KDM7A: variants seen among roughly 807,000 people sequenced by gnomAD.
KDM7A encodes the protein lysine-specific demethylase 7A.
In KDM7A, 28 loss-of-function variants were observed where a neutral mutation model predicts 114.8. The observed-to-expected ratio is 0.24, with a 90% CI of 0.18 to 0.33. KDM7A has a LOEUF of 0.33. KDM7A is among the 10% of genes least tolerant of loss of function. The pLI is 1.00. For synonymous variants in KDM7A, 423 were observed against 397.8 expected (o/e 1.06, Z -0.75); for missense variants, 942 against 1,142.5 (o/e 0.82, Z 2.53).
At chr7:140,167,602 A>G (rs1794592986) in intron 1 of KDM7A, among the ~76,000 whole-genome samples, 2 of 152,100 alleles carry the variant, frequency 1.3e-5, no homozygotes, top group Non-Finnish European at 2.9e-5. Flanking sequence ...TTCATATTAT[A>G]TACAAAAATA....
intron 2 of KDM7A, among the ~76,000 whole-genome samples, chr7:140,136,624 C>T (rs986715226): frequency 6.6e-6 from 1 of 152,112 alleles, no homozygotes; most frequent in Non-Finnish European, 1.5e-5. Flanking sequence ...TCTAAATTCA[C>T]CATATGAAGT....
intron 8 of KDM7A, 61 bp downstream of exon 8, chr7:140,120,378 TAAA>T: frequency 1.2e-6 from 1 of 833,690 alleles, no homozygotes; most frequent in Non-Finnish European, 1.9e-6. Context: ...TTTTTTAAGT[TAAA>T]AAAAAAAGTA....
chr7:140,093,990 A>T, intron 18 of KDM7A, 66 bp downstream of exon 18: 1 of 1,006,972 alleles, frequency 9.9e-7, no homozygotes, highest in Non-Finnish European at 1.6e-6. Context: ...GTTTTAAAAA[A>T]GAAAGCAAAA....
At chr7:140,106,086 T>C (rs1438528686) in intron 11 of KDM7A, among the ~76,000 whole-genome samples, 2 of 152,254 alleles carry the variant, frequency 1.3e-5, no homozygotes, top group Admixed American at 1.3e-4. Context: ...CAGAGGTGTT[T>C]ATAGTATTCT....
intron 1 of KDM7A, among the ~76,000 whole-genome samples, chr7:140,163,600 T>C (rs1261691612): frequency 6.6e-6 from 1 of 152,134 alleles, no homozygotes; most frequent in East Asian, 1.9e-4. Context: ...AGATTGTTTT[T>C]GTTTTGTTCT....
chr7:140,103,720 T>C (rs1257722445), intron 11 of KDM7A, among the ~76,000 whole-genome samples: 1 of 152,196 alleles, frequency 6.6e-6, no homozygotes, highest in African/African-American at 2.4e-5. Context: ...TTGATGGACA[T>C]TTGGGTTGGT....
intron 10 of KDM7A, 115 bp from the exon 11 acceptor site, chr7:140,111,299 T>C (rs903827504): frequency 2.6e-5 from 16 of 610,872 alleles, no homozygotes; most frequent in African/African-American, 1.3e-4. Context: ...CATCGCCAAA[T>C]ACTAGTAAGC....
chr7:140,133,454 A>C (rs1818821640), intron 3 of KDM7A, 85 bp downstream of exon 3: 1 of 767,790 alleles, frequency 1.3e-6, no homozygotes. Flanking sequence ...CCTAAGTTTG[A>C]AAACATTGCC....
chr7:140,144,730 C>T (rs1476354160), intron 1 of KDM7A, among the ~76,000 whole-genome samples: 1 of 151,934 alleles, frequency 6.6e-6, no homozygotes, highest in Non-Finnish European at 1.5e-5. Context: ...CACACACACA[C>T]ACACACACCC....
chr7:140,106,482 C>T (rs973348697), intron 11 of KDM7A, among the ~76,000 whole-genome samples: 29 of 152,070 alleles, frequency 1.9e-4, no homozygotes, highest in African/African-American at 6.5e-4. Flanking sequence ...TTCTGGTATG[C>T]TGTGTCTTTG....
chr7:140,166,335 CTTT>C (rs746518929), intron 1 of KDM7A, among the ~76,000 whole-genome samples: 7,671 of 127,892 alleles, frequency 0.06, 153 homozygotes, highest in Non-Finnish European at 0.083. Context: ...CTTTTTTTTC[CTTT>C]TTTTTTTTTT....
chr7:140,115,232 C>T (rs1339300495), intron 9 of KDM7A, among the ~76,000 whole-genome samples: 3 of 151,588 alleles, frequency 2.0e-5, no homozygotes, highest in South Asian at 2.1e-4. Context: ...CGCCTCTGCC[C>T]GGCCGCCCCT....
chr7:140,114,050 G>A lies in KDM7A; in HGVS notation c.1247-468C>T, dbSNP rs115202238. ...GATACCAAGCTTCCAAAAGAAAGGG[G>A]GTGTAACTGTCACTAATAAAGGGTT... On this transcript the variant is annotated intron_variant, in intron 9 of 19. Transcript: ENST00000397560. Among the ~76,000 whole-genome samples the A allele has an allele frequency of 4.5e-3, 691 of 152,218 alleles. 8 individuals carry two copies. The highest frequency in any genetic ancestry group is 0.015 in the African/African-American group (635 of 41,516).
chr7:140,124,518 T>C (rs1230201714), intron 7 of KDM7A, 103 bp downstream of exon 7: 4 of 755,436 alleles, frequency 5.3e-6, no homozygotes, highest in Non-Finnish European at 8.2e-6. Context: ...ACAAATGTCA[T>C]AAAAACTACT....
intron 7 of KDM7A, among the ~76,000 whole-genome samples, chr7:140,123,819 C>T (rs1024516925): frequency 6.6e-6 from 1 of 152,220 alleles, no homozygotes; most frequent in South Asian, 2.1e-4. Flanking sequence ...TGGAGGCTCA[C>T]GCCTGTAATC....
At chr7:140,100,615 T>C (rs576969658) in intron 12 of KDM7A, among the ~76,000 whole-genome samples, 21 of 148,014 alleles carry the variant, frequency 1.4e-4, no homozygotes, top group Admixed American at 4.7e-4. Flanking sequence ...AACAGCATAA[T>C]CTTAAAACAT....
chr7:140,129,367 C>G, intron 4 of KDM7A, 126 bp downstream of exon 4: 1 of 768,294 alleles, frequency 1.3e-6, no homozygotes, highest in Non-Finnish European at 2.1e-6. Flanking sequence ...ATAGATGATA[C>G]TGAGCCTCAC....
Position 140,142,586 on chromosome 7 carries a change from C to T in KDM7A, c.195-3396G>A, listed in dbSNP as rs148254892. Among the ~76,000 whole-genome samples, 951 of 152,112 alleles carry T rather than the reference C, an allele frequency of 6.3e-3. 19 individuals carry two copies. The highest frequency in any genetic ancestry group is 0.021 in the African/African-American group (868 of 41,480). ...AAATACCACAACATACCCAACAGACCAGCTAAAACTAAAAAGCCTGATGAT... is the reference window on the plus strand; with the variant it reads ...AAATACCACAACATACCCAACAGACTAGCTAAAACTAAAAAGCCTGATGAT... On this transcript the variant is annotated intron_variant, in intron 1 of 19. Transcript: ENST00000397560.
chr7:140,099,891 T>G lies in KDM7A; in HGVS notation c.1763+8A>C, dbSNP rs1369442720. On this transcript the variant is annotated splice_region_variant and intron_variant, in intron 13 of 19. Transcript: ENST00000397560. Reference sequence around the variant, plus strand: ...AATCTATTTGATACTCTGATTTACTTTACATACTTAATTATTCTTCCATTT... The same window carrying G: ...AATCTATTTGATACTCTGATTTACTGTACATACTTAATTATTCTTCCATTT... The G allele has an allele frequency of 6.2e-6, 10 of 1,607,996 alleles. No individual in the cohort carries two copies. The East Asian group carries it at 2.2e-4, about 36-fold the overall frequency.
Sources: allele counts gnomAD v4.1 joint callset (sites outside exome capture counted in the v4.1 genomes callset), GRCh38; gene constraint gnomAD v4.1.1; transcripts MANE v1.5; gene names NCBI Gene and HGNC (gene_info 2026-07-23, HGNC 2026-07-21).